The following ERBB4 variants were observed in gnomAD, a reference collection of about 807,000 sequenced individuals.
ERBB4 encodes erb-b2 receptor tyrosine kinase 4.
Under a neutral mutation model 158.0 loss-of-function variants are expected in ERBB4, and 42 were observed. The ratio of observed to expected loss-of-function variants is 0.27; its 90% CI spans 0.21 to 0.34. ERBB4 has a LOEUF of 0.34. Among genes scored for constraint, ERBB4 ranks in the 10% least tolerant of loss-of-function variants. ERBB4 has a pLI of 1.00. For synonymous variants in ERBB4, 583 were observed against 558.7 expected (o/e 1.04, Z -0.61); for missense variants, 1,333 against 1,624.1 (o/e 0.82, Z 3.08).
At chr2:211,833,799 G>C (rs375486684) in intron 3 of ERBB4, among the ~76,000 whole-genome samples, 7 of 151,938 alleles carry the variant, frequency 4.6e-5, no homozygotes, top group Non-Finnish European at 1.0e-4. Flanking sequence ...ATGAATATCA[G>C]ATTAGACTAG....
intron 1 of ERBB4, among the ~76,000 whole-genome samples, chr2:212,441,761 T>G (rs2092259512): frequency 6.6e-6 from 1 of 152,158 alleles, no homozygotes. Context: ...TGGCCCACTG[T>G]GAGTGAGCTG....
chr2:212,333,346 G>A (rs778847330), intron 1 of ERBB4, among the ~76,000 whole-genome samples: 1 of 149,064 alleles, frequency 6.7e-6, no homozygotes, highest in Non-Finnish European at 1.5e-5. Context: ...TCTAAAACCT[G>A]TCCACACAAA....
At chr2:211,923,754 C>T (rs542825245) in intron 3 of ERBB4, among the ~76,000 whole-genome samples, 1 of 151,898 alleles carries the variant, frequency 6.6e-6, no homozygotes, top group African/African-American at 2.4e-5. Context: ...TGGAATTTTG[C>T]TCTTGTTGCT....
chr2:212,072,528 A>G (rs907750615), intron 2 of ERBB4, among the ~76,000 whole-genome samples: 3 of 152,024 alleles, frequency 2.0e-5, no homozygotes, highest in African/African-American at 4.8e-5. Flanking sequence ...CAGCTCTGGG[A>G]TGAATTCCCT....
chr2:212,054,866 A>C (rs1396916878), intron 2 of ERBB4, among the ~76,000 whole-genome samples: 3 of 152,216 alleles, frequency 2.0e-5, no homozygotes, highest in Non-Finnish European at 4.4e-5. Flanking sequence ...TACAGCTCCC[A>C]GCGTGAGCAA....
intron 3 of ERBB4, among the ~76,000 whole-genome samples, chr2:211,803,827 T>A (rs1008101436): frequency 1.3e-5 from 2 of 152,180 alleles, no homozygotes; most frequent in Non-Finnish European, 2.9e-5. Flanking sequence ...CTCATGGAAC[T>A]AGTCTTCACA....
intron 1 of ERBB4, among the ~76,000 whole-genome samples, chr2:212,424,520 A>G (rs1320377757): frequency 6.6e-6 from 1 of 152,128 alleles, no homozygotes; most frequent in African/African-American, 2.4e-5. Flanking sequence ...AGGCTATATA[A>G]AAAAGAGAGC....
At chr2:211,994,822 G>C (rs1250748891) in intron 2 of ERBB4, among the ~76,000 whole-genome samples, 1 of 152,142 alleles carries the variant, frequency 6.6e-6, no homozygotes, top group East Asian at 1.9e-4. Flanking sequence ...ACAATTAACA[G>C]AGAAGGCATT....
At chr2:211,466,735 A>C (rs1236810639) in intron 20 of ERBB4, among the ~76,000 whole-genome samples, 1 of 152,152 alleles carries the variant, frequency 6.6e-6, no homozygotes, top group Non-Finnish European at 1.5e-5. Context: ...AAAGAAATTC[A>C]TCCCACACAA....
chr2:211,638,982 C>A (rs141649721), intron 16 of ERBB4, among the ~76,000 whole-genome samples: 4 of 152,206 alleles, frequency 2.6e-5, no homozygotes, highest in Admixed American at 6.5e-5. Flanking sequence ...TATATATAAT[C>A]TATCTAGGAA....
chr2:211,960,274 A>C (rs12616932), intron 2 of ERBB4, among the ~76,000 whole-genome samples: 36,665 of 151,938 alleles, frequency 0.24, 4,749 homozygotes, highest in South Asian at 0.41. Flanking sequence ...AAAAGGGCTC[A>C]AGAACCAATT....
chr2:211,723,329 T>C (rs937092137), intron 6 of ERBB4, among the ~76,000 whole-genome samples: 1 of 152,162 alleles, frequency 6.6e-6, no homozygotes, highest in Non-Finnish European at 1.5e-5. Flanking sequence ...TAAGTACATA[T>C]AAACATGTGA....
At chr2:212,010,517 G>A (rs1462459125) in intron 2 of ERBB4, among the ~76,000 whole-genome samples, 1 of 152,102 alleles carries the variant, frequency 6.6e-6, no homozygotes, top group Non-Finnish European at 1.5e-5. Flanking sequence ...AAGATCACAT[G>A]CTTCTGAGGG....
At chr2:212,529,839 A>T (rs2106338919) in intron 1 of ERBB4, among the ~76,000 whole-genome samples, 1 of 152,302 alleles carries the variant, frequency 6.6e-6, no homozygotes, top group African/African-American at 2.4e-5. Context: ...TAAAACTTAA[A>T]AGATTCAAAA....
chr2:211,963,382 T>C, intron 2 of ERBB4, among the ~76,000 whole-genome samples: 1 of 152,182 alleles, frequency 6.6e-6, no homozygotes, highest in Non-Finnish European at 1.5e-5. Flanking sequence ...TGTTTAATTT[T>C]ATAGCTTGTA....
intron 16 of ERBB4, among the ~76,000 whole-genome samples, chr2:211,645,152 A>G (rs1355477667): frequency 1.3e-5 from 2 of 151,810 alleles, no homozygotes; most frequent in African/African-American, 2.4e-5. Context: ...CTAGAGAACA[A>G]AAGTGTAAAT....
intron 1 of ERBB4, among the ~76,000 whole-genome samples, chr2:212,133,418 T>C (rs1213585344): frequency 6.9e-6 from 1 of 144,586 alleles, no homozygotes; most frequent in Non-Finnish European, 1.5e-5. Context: ...TTTTGTTTTG[T>C]TTTTGTTTTT....
At chr2:211,745,839 G>C (rs2074957461) in intron 5 of ERBB4, among the ~76,000 whole-genome samples, 1 of 151,714 alleles carries the variant, frequency 6.6e-6, no homozygotes, top group Admixed American at 6.6e-5. Context: ...GGAAACAACT[G>C]AGATTTGTAT....
intron 1 of ERBB4, among the ~76,000 whole-genome samples, chr2:212,202,521 G>T (rs1037961204): frequency 6.6e-6 from 1 of 151,864 alleles, no homozygotes; most frequent in East Asian, 1.9e-4. Flanking sequence ...GGTATTTTTT[G>T]TAGAGACAGG....
Sources: allele counts gnomAD v4.1 joint callset (sites outside exome capture counted in the v4.1 genomes callset), GRCh38; gene constraint gnomAD v4.1.1; transcripts MANE v1.5; gene names NCBI Gene and HGNC (gene_info 2026-07-23, HGNC 2026-07-21).